TRAPPC9: variants seen among roughly 807,000 people sequenced by gnomAD.
TRAPPC9 encodes the protein IKK2 binding protein.
A neutral mutation model predicts 124.0 loss-of-function variants in TRAPPC9; 83 were observed. That is an observed-to-expected ratio of 0.67 (90% CI 0.56 to 0.80). TRAPPC9 has a LOEUF of 0.80. Among genes scored for constraint, TRAPPC9 ranks in the 30% least tolerant of loss-of-function variants. The pLI is 0.00. For synonymous variants in TRAPPC9, 638 were observed against 617.5 expected, an observed-to-expected ratio of 1.03 and a Z score of -0.49; for missense variants, 1,302 against 1,508.3, an observed-to-expected ratio of 0.86 and a Z score of 2.27.
chr8:140,329,385 T>C (rs570538828), intron 9 of TRAPPC9, among the ~76,000 whole-genome samples: 1 of 152,174 alleles, frequency 6.6e-6, no homozygotes, highest in East Asian at 1.9e-4. Context: ...CAGCAACAAA[T>C]TAAAAATGGG....
intron 17 of TRAPPC9, among the ~76,000 whole-genome samples, chr8:140,120,364 GAGAGATCGTT>G (rs1319505727): frequency 6.6e-6 from 1 of 152,216 alleles, no homozygotes; most frequent in Admixed American, 6.5e-5. Flanking sequence ...CAACTGGAAG[GAGAGATCGTT>G]AGCATTTCCC....
chr8:140,323,896 A>AT (rs5895638), intron 9 of TRAPPC9, among the ~76,000 whole-genome samples: 1 of 151,622 alleles, frequency 6.6e-6, no homozygotes, highest in Non-Finnish European at 1.5e-5. Context: ...TAAAAAATAT[A>AT]TTTTTTTTTA....
At chr8:139,802,424 G>A (rs762360973) in intron 21 of TRAPPC9, among the ~76,000 whole-genome samples, 2 of 152,128 alleles carry the variant, frequency 1.3e-5, no homozygotes, top group Non-Finnish European at 2.9e-5. Context: ...GGGGTCCCTG[G>A]GGCAGTGGAG....
intron 8 of TRAPPC9, among the ~76,000 whole-genome samples, chr8:140,365,068 G>A (rs1389501897): frequency 2.6e-5 from 4 of 151,400 alleles, no homozygotes; most frequent in Admixed American, 2.6e-4. Context: ...CCCCATTCAC[G>A]CTGGCCTCAG....
intron 17 of TRAPPC9, among the ~76,000 whole-genome samples, chr8:140,162,333 G>GT (rs1265021595): frequency 6.6e-6 from 1 of 152,140 alleles, no homozygotes; most frequent in Non-Finnish European, 1.5e-5. Context: ...CCAGCACGTG[G>GT]TGTCAGCCCC....
chr8:139,925,177 C>T (rs1377789169), intron 19 of TRAPPC9, among the ~76,000 whole-genome samples: 1 of 152,216 alleles, frequency 6.6e-6, no homozygotes, highest in African/African-American at 2.4e-5. Context: ...GGGGTGGCGG[C>T]GCCTCCCACT....
intron 17 of TRAPPC9, among the ~76,000 whole-genome samples, chr8:140,197,802 G>C (rs1252550242): frequency 6.6e-6 from 1 of 152,188 alleles, no homozygotes; most frequent in Non-Finnish European, 1.5e-5. Context: ...GCCAGCACGG[G>C]CTAAAGACAA....
At chr8:139,818,466 C>T (rs1825014944) in intron 21 of TRAPPC9, among the ~76,000 whole-genome samples, 1 of 152,076 alleles carries the variant, frequency 6.6e-6, no homozygotes, top group Admixed American at 6.5e-5. Flanking sequence ...ATCACAGCTA[C>T]TCAGGAGGCT....
chr8:140,207,125 T>C (rs1391427469), intron 17 of TRAPPC9, among the ~76,000 whole-genome samples: 1 of 152,172 alleles, frequency 6.6e-6, no homozygotes, highest in Non-Finnish European at 1.5e-5. Flanking sequence ...TGCAGTTGGG[T>C]TCTGTGCAAC....
At chr8:140,383,924 T>C (rs2068682700) in intron 7 of TRAPPC9, among the ~76,000 whole-genome samples, 1 of 151,610 alleles carries the variant, frequency 6.6e-6, no homozygotes, top group Non-Finnish European at 1.5e-5. Flanking sequence ...AAAGGTCGGG[T>C]TACCCTCAAA....
chr8:140,094,415 C>T (rs973692338), intron 17 of TRAPPC9, among the ~76,000 whole-genome samples: 13 of 152,316 alleles, frequency 8.5e-5, no homozygotes, highest in African/African-American at 2.9e-4. Context: ...CACGGTCATT[C>T]CATACCTCAA....
intron 9 of TRAPPC9, among the ~76,000 whole-genome samples, chr8:140,314,525 T>C (rs1014153171): frequency 3.9e-5 from 6 of 152,214 alleles, no homozygotes; most frequent in African/African-American, 1.4e-4. Flanking sequence ...CACCCAACCG[T>C]GCATTAGAAT....
At chr8:139,761,419 C>A (rs1347568442) in intron 21 of TRAPPC9, among the ~76,000 whole-genome samples, 3 of 152,252 alleles carry the variant, frequency 2.0e-5, no homozygotes, top group Admixed American at 2.0e-4. Context: ...CCAAGAAGGC[C>A]GAGTTAAAAT....
chr8:140,230,706 G>A (rs748846846), intron 16 of TRAPPC9, among the ~76,000 whole-genome samples: 2 of 152,088 alleles, frequency 1.3e-5, no homozygotes, highest in Non-Finnish European at 2.9e-5. Context: ...CCTGAGAGGT[G>A]GAGGTTGCAG....
intron 19 of TRAPPC9, among the ~76,000 whole-genome samples, chr8:139,949,491 G>A (rs1160171084): frequency 1.3e-5 from 2 of 152,210 alleles, no homozygotes; most frequent in Non-Finnish European, 1.5e-5. Context: ...GGGCAGCAAC[G>A]TAAGGGTCCA....
chr8:139,774,108 G>A (rs542428850), intron 21 of TRAPPC9, among the ~76,000 whole-genome samples: 47 of 152,332 alleles, frequency 3.1e-4, no homozygotes, highest in Non-Finnish European at 5.9e-4. Flanking sequence ...CCACATGGAC[G>A]CGGGCGAAGG....
chr8:140,118,578 G>C (rs1319481944), intron 17 of TRAPPC9, among the ~76,000 whole-genome samples: 1 of 152,218 alleles, frequency 6.6e-6, no homozygotes, highest in East Asian at 1.9e-4. Flanking sequence ...GGCCCCAGGT[G>C]GCAGGAGCAG....
chr8:140,013,323 G>A (rs1370519067), intron 18 of TRAPPC9, among the ~76,000 whole-genome samples: 1 of 152,052 alleles, frequency 6.6e-6, no homozygotes, highest in African/African-American at 2.4e-5. Flanking sequence ...TGCACTTCCT[G>A]TCAAGCCACT....
intron 21 of TRAPPC9, among the ~76,000 whole-genome samples, chr8:139,855,851 C>A (rs575911512): frequency 6.6e-6 from 1 of 152,350 alleles, no homozygotes; most frequent in South Asian, 2.1e-4. Flanking sequence ...AGGCACGGGC[C>A]AAGCCATATG....
Sources: gnomAD v4.1 joint callset for allele counts (sites outside exome capture counted in the v4.1 genomes callset) on GRCh38, gnomAD v4.1.1 for gene constraint, MANE v1.5 for transcripts, NCBI Gene and HGNC (gene_info 2026-07-23, HGNC 2026-07-21) for gene names.